The following CLYBL variants were observed in gnomAD, a reference collection of about 807,000 sequenced individuals.
CLYBL encodes citramalyl-CoA lyase, mitochondrial.
A neutral mutation model predicts 38.9 loss-of-function variants in CLYBL; 31 were observed. The observed-to-expected ratio is 0.80, with a 90% CI of 0.60 to 1.08. The LOEUF (loss-of-function observed/expected upper bound fraction) is 1.08, where lower values mean the gene tolerates loss of function less well. CLYBL is among the 50% of genes least tolerant of loss of function. CLYBL has a pLI of 0.00. For missense variants in CLYBL, 434 were observed against 411.6 expected (o/e 1.05, Z -0.47); for synonymous variants, 171 against 158.6 (o/e 1.08, Z -0.59).
At chr13:99,629,193 A>T (rs1413954163) in intron 1 of CLYBL, among the ~76,000 whole-genome samples, 1 of 152,180 alleles carries the variant, frequency 6.6e-6, no homozygotes, top group African/African-American at 2.4e-5. Flanking sequence ...GCCTGTGGAA[A>T]TGACAAATGG....
chr13:99,671,418 A>G (rs1316561794), intron 1 of CLYBL, among the ~76,000 whole-genome samples: 5 of 152,190 alleles, frequency 3.3e-5, no homozygotes, highest in African/African-American at 2.4e-5. Context: ...ATCTATAGCC[A>G]TGGACAAAAT....
intron 1 of CLYBL, among the ~76,000 whole-genome samples, chr13:99,676,186 G>GTCCGTCCCTTCCT (rs1459044000): frequency 1.3e-4 from 17 of 132,994 alleles, no homozygotes; most frequent in Non-Finnish European, 2.1e-4. Flanking sequence ...CCCTCCGTCC[G>GTCCGTCCCTTCCT]TCCTTCCTTC....
chr13:99,796,255 G>A (rs976238376), intron 2 of CLYBL, among the ~76,000 whole-genome samples: 4 of 152,096 alleles, frequency 2.6e-5, no homozygotes, highest in Admixed American at 1.3e-4. Flanking sequence ...CCACAGGTGG[G>A]GTGGGCACTA....
In CLYBL at chr13:99,749,125, A is replaced by G. The variant is rs146697261; in HGVS notation, c.63-23699A>G. 4.0e-3 allele frequency among the ~76,000 whole-genome samples: 608 copies of G among 151,886 alleles called. 3 individuals carry two copies. The highest frequency in any genetic ancestry group is 0.014 in the African/African-American group (576 of 41,408). On this transcript the variant is annotated intron_variant, in intron 1 of 8. Transcript: ENST00000339105. ...AACCCTGGAAGTGGAGGTTGCACTG[A>G]GCCAAGATCACACCACTGCACTGCA... is the stretch of plus-strand genomic sequence containing the variant.
At chr13:99,729,772 C>G (rs932381505) in intron 1 of CLYBL, among the ~76,000 whole-genome samples, 2 of 152,244 alleles carry the variant, frequency 1.3e-5, no homozygotes, top group African/African-American at 4.8e-5. Flanking sequence ...TCAGCCTGCA[C>G]TTGAGTATTC....
intron 1 of CLYBL, among the ~76,000 whole-genome samples, chr13:99,768,853 C>G (rs964950216): frequency 6.6e-6 from 1 of 152,128 alleles, no homozygotes; most frequent in Non-Finnish European, 1.5e-5. Flanking sequence ...CATCCATGGT[C>G]ATTTCTATTT....
intron 7 of CLYBL, among the ~76,000 whole-genome samples, chr13:99,887,857 GT>G (rs199802222): frequency 0.6 from 89,574 of 148,792 alleles, 27,026 homozygotes; most frequent in African/African-American, 0.68. Context: ...GGGATTTGGG[GT>G]TTTTTTTTTT....
At chr13:99,704,170 G>T (rs2048111851) in intron 1 of CLYBL, among the ~76,000 whole-genome samples, 1 of 152,164 alleles carries the variant, frequency 6.6e-6, no homozygotes, top group South Asian at 2.1e-4. Flanking sequence ...CTCTGAATGA[G>T]TGTTGTCATT....
rs533280437 is a variant in CLYBL at position 99,715,664 on chromosome 13, C to T, written c.63-57160C>T. On this transcript the variant is annotated intron_variant, in intron 1 of 8. Coordinates refer to ENST00000339105, the MANE Select transcript of CLYBL (RefSeq NM_206808.5). Reference sequence around the variant, plus strand: ...TATGAATCACTACACCCGGCCTGTACGGATTTTCAAACAATCCTTTTGTTC... The same window carrying T: ...TATGAATCACTACACCCGGCCTGTATGGATTTTCAAACAATCCTTTTGTTC... Among the ~76,000 whole-genome samples, 7 of 152,186 alleles carry T rather than the reference C, an allele frequency of 4.6e-5. No homozygotes were observed. The South Asian group carries it at 1.0e-3, about 23-fold the overall frequency.
chr13:99,790,671 C>G (rs1406254422), intron 2 of CLYBL, among the ~76,000 whole-genome samples: 1 of 152,178 alleles, frequency 6.6e-6, no homozygotes, highest in African/African-American at 2.4e-5. Flanking sequence ...TTCGCATGTT[C>G]AGAAGCATCC....
rs1040220312 is a variant in CLYBL at position 99,683,268 on chromosome 13, G to C, written c.62+76511G>C. ...GGCTAATTTTTGTGTTTTTAGTAGA[G>C]ACATGGTTTCACCATTTTGGCCAGG... On this transcript the variant is annotated intron_variant, in intron 1 of 8. Coordinates refer to ENST00000339105, the MANE Select transcript of CLYBL (RefSeq NM_206808.5). Among the ~76,000 whole-genome samples, 6 of 147,928 alleles carry C rather than the reference G, an allele frequency of 4.1e-5. No individual in the cohort carries two copies. The South Asian group carries it at 1.1e-3, about 28-fold the overall frequency.
intron 1 of CLYBL, among the ~76,000 whole-genome samples, chr13:99,656,254 C>T (rs1241443927): frequency 2.0e-5 from 3 of 152,206 alleles, no homozygotes; most frequent in Middle Eastern, 3.4e-3. Flanking sequence ...CTTAGGGTGG[C>T]GTGTTTGTCA....
At chr13:99,823,838 T>TC (rs1310384028) in intron 2 of CLYBL, among the ~76,000 whole-genome samples, 1 of 152,254 alleles carries the variant, frequency 6.6e-6, no homozygotes, top group African/African-American at 2.4e-5. Flanking sequence ...CAAGTTGTCA[T>TC]CCACTGCTCC....
intron 8 of CLYBL, among the ~76,000 whole-genome samples, chr13:99,905,119 C>T (rs575559707): frequency 2.0e-5 from 3 of 152,208 alleles, no homozygotes; most frequent in Admixed American, 6.5e-5. Context: ...TCTCTCCAGC[C>T]GAGGACCTCC....
intron 1 of CLYBL, among the ~76,000 whole-genome samples, chr13:99,752,451 G>A (rs1031806039): frequency 1.3e-5 from 2 of 152,282 alleles, no homozygotes; most frequent in African/African-American, 4.8e-5. Context: ...AGTGATACCA[G>A]CTGGGGCTGA....
rs967075477 is a variant in CLYBL at position 99,679,493 on chromosome 13, G to A, written c.62+72736G>A. Among the ~76,000 whole-genome samples the A allele has an allele frequency of 1.3e-3, 196 of 151,958 alleles. 1 individual carries two copies. The highest frequency in any genetic ancestry group is 4.5e-3 in the African/African-American group (187 of 41,414). On this transcript the variant is annotated intron_variant, in intron 1 of 8. Transcript: ENST00000339105. ...TATTCAGCGTCCATCTTCCTCACCC[G>A]GGGAATCTGTGTTTGTTTCCCAGTG... is the stretch of plus-strand genomic sequence containing the variant.
At chr13:99,785,138 C>G (rs2049758867) in intron 2 of CLYBL, among the ~76,000 whole-genome samples, 1 of 151,078 alleles carries the variant, frequency 6.6e-6, no homozygotes, top group African/African-American at 2.4e-5. Context: ...AGTGATCCAC[C>G]CACGTTGGCC....
intron 1 of CLYBL, among the ~76,000 whole-genome samples, chr13:99,709,050 G>A (rs1033305455): frequency 2.0e-5 from 3 of 151,960 alleles, no homozygotes; most frequent in Non-Finnish European, 4.4e-5. Context: ...CCGAGATAAC[G>A]CCACTGCACT....
At chr13:99,702,667 G>A (rs1566614459) in intron 1 of CLYBL, among the ~76,000 whole-genome samples, 1 of 151,428 alleles carries the variant, frequency 6.6e-6, no homozygotes, top group Non-Finnish European at 1.5e-5. Context: ...TAAAAATGAA[G>A]GCTCATGCAG....
Sources: gnomAD v4.1 joint callset for allele counts (sites outside exome capture counted in the v4.1 genomes callset) on GRCh38, gnomAD v4.1.1 for gene constraint, MANE v1.5 for transcripts, NCBI Gene and HGNC (gene_info 2026-07-23, HGNC 2026-07-21) for gene names.